The following PLEKHS1 variants were observed in gnomAD, a reference collection of about 807,000 sequenced individuals.
PLEKHS1 encodes pleckstrin homology domain containing S1, also known as pleckstrin homology domain-containing family S member 1.
PLEKHS1 carries 55 observed loss-of-function variants against 51.0 expected under a neutral mutation model. The observed-to-expected ratio is 1.08, with a 90% CI of 0.87 to 1.35. The LOEUF (loss-of-function observed/expected upper bound fraction) is 1.35, where lower values mean the gene tolerates loss of function less well. Ranked by LOEUF, PLEKHS1 falls within the 40% of genes most tolerant of loss-of-function variation. PLEKHS1 has a pLI of 0.00. For synonymous variants in PLEKHS1, 153 were observed against 144.8 expected (o/e 1.06, Z -0.41); for missense variants, 398 against 423.0 (o/e 0.94, Z 0.52).
chr10:113,775,963 T>A, intron 11 of PLEKHS1, 97 bp downstream of exon 11: 2 of 890,628 alleles, frequency 2.2e-6, no homozygotes, highest in Non-Finnish European at 3.4e-6. Context: ...CAACACTGAC[T>A]AGGTTTGGGG....
intron 2 of PLEKHS1, among the ~76,000 whole-genome samples, chr10:113,756,078 C>T (rs1441100619): frequency 6.6e-6 from 1 of 152,184 alleles, no homozygotes; most frequent in Admixed American, 6.5e-5. Context: ...AGGATGAAGT[C>T]ACTTAGAAGT....
intron 2 of PLEKHS1, among the ~76,000 whole-genome samples, chr10:113,756,315 A>C (rs1472492015): frequency 1.3e-5 from 2 of 152,012 alleles, no homozygotes; most frequent in Non-Finnish European, 1.5e-5. Flanking sequence ...AAAATACAAA[A>C]ATTTGCTGGG....
At position 113,755,525 on chromosome 10, in the gene PLEKHS1, C is replaced by T. The variant is rs1854070073; in HGVS notation, c.28+220C>T. ...GCTCAAGTGATCCTCTAACCTCAGC[C>T]TCCCGAGGAGCTGGCACTACAGGCA... On this transcript the variant is annotated intron_variant, in intron 2 of 11. Coordinates refer to ENST00000361048, the Ensembl canonical transcript of PLEKHS1. 1.0e-5 allele frequency: 9 copies of T among 860,314 alleles called. No homozygotes were observed. The South Asian group carries it at 2.7e-4, about 26-fold the overall frequency. 53.3% of individuals were successfully genotyped at this position (860,314 alleles called of 1,614,324 possible).
At chr10:113,768,624 A>C (rs1844263758) in intron 5 of PLEKHS1, among the ~76,000 whole-genome samples, 191 bp from the exon 6 acceptor site, 1 of 152,236 alleles carries the variant, frequency 6.6e-6, no homozygotes, top group African/African-American at 2.4e-5. Context: ...CTTTCCTTGC[A>C]GAGGTGGCTG....
intron 11 of PLEKHS1, among the ~76,000 whole-genome samples, chr10:113,778,378 C>A (rs925085747): frequency 2.6e-4 from 40 of 152,186 alleles, no homozygotes; most frequent in African/African-American, 7.0e-4. Context: ...AAAAACAGTT[C>A]TTTGGCTTCA....
exon 6 of PLEKHS1, chr10:113,768,842 C>G (rs1844274962): frequency 1.2e-6 from 2 of 1,613,750 alleles, no homozygotes; most frequent in South Asian, 2.2e-5. Flanking sequence ...GGGTCTCCTT[C>G]ATGTCATCAT....
chr10:113,761,517 T>A (rs1408399151), intron 2 of PLEKHS1, among the ~76,000 whole-genome samples: 2 of 145,818 alleles, frequency 1.4e-5, no homozygotes, highest in East Asian at 4.3e-4. Flanking sequence ...TAACCCTAGG[T>A]ACTTTTTTCT....
At chr10:113,767,420 T>C in exon 5 of PLEKHS1, 2 of 1,613,514 alleles carry the variant, frequency 1.2e-6, no homozygotes, top group South Asian at 1.1e-5. Flanking sequence ...AATGCCACCC[T>C]GATGAGGTCA....
Position 113,766,697 on chromosome 10 carries a change from G to A in PLEKHS1, c.203G>A (p.Arg68Gln), listed in dbSNP as rs187837701. 1.1e-5 allele frequency: 18 copies of A among 1,610,852 alleles called. No homozygotes were observed. In the South Asian group the frequency reaches 1.4e-4, roughly 13 times the overall value. ...TCCTATTATAAAGACCATCATCACC[G>A]AGGTTCCATTGAAATTGATCAGTGT... The change falls in exon 4 of 12, where the codon CGA becomes CAA. Residue 68 changes from arginine to glutamine, a missense_variant. Transcript: ENST00000361048.
intron 11 of PLEKHS1, chr10:113,778,103 T>C (rs1305596237): frequency 1.2e-5 from 2 of 164,446 alleles, no homozygotes; most frequent in Admixed American, 5.7e-5. Flanking sequence ...CATGTGTTAA[T>C]TCCTTCCCTG....
chr10:113,776,931 A>G (rs1320273920), intron 11 of PLEKHS1, among the ~76,000 whole-genome samples, 193 bp from the exon 12 acceptor site: 1 of 152,196 alleles, frequency 6.6e-6, no homozygotes, highest in Non-Finnish European at 1.5e-5. Context: ...TAAGGGTGGT[A>G]TAATTTGAGC....
exon 12 of PLEKHS1, chr10:113,781,693 A>T (rs1340104026): frequency 1.4e-5 from 1 of 69,650 alleles, no homozygotes; most frequent in Non-Finnish European, 2.9e-5. Flanking sequence ...CCTTCCCAAC[A>T]CCTCCTTCCC....
At position 113,755,391 on chromosome 10, in the gene PLEKHS1, C is replaced by T; in HGVS notation, c.28+86C>T. On this transcript the variant is annotated intron_variant, in intron 2 of 11. Transcript: ENST00000361048. ...CCTTCAAGCTAACCAGGATACAGAA[C>T]TTGGTGGTTTTTGTGTATGTTGTTT... The T allele has an allele frequency of 2.6e-6, 4 of 1,529,726 alleles. No individual in the cohort carries two copies. The South Asian group carries it at 3.9e-5, about 15-fold the overall frequency. The allele number at this position is 1,529,726 out of a possible 1,614,324, so 94.8% of individuals were successfully genotyped here.
chr10:113,755,964 T>G (rs1336433921), intron 2 of PLEKHS1, among the ~76,000 whole-genome samples: 2 of 152,232 alleles, frequency 1.3e-5, no homozygotes, highest in Non-Finnish European at 2.9e-5. Flanking sequence ...GTGCCTGCAT[T>G]GTCACCAGGG....
intron 1 of PLEKHS1, among the ~76,000 whole-genome samples, chr10:113,752,082 C>A (rs1274751933): frequency 3.9e-5 from 6 of 152,004 alleles, no homozygotes; most frequent in Non-Finnish European, 5.9e-5. Flanking sequence ...GGGGCAATGA[C>A]AAGAAAAACA....
chr10:113,761,767 T>G (rs1489908006), intron 2 of PLEKHS1, among the ~76,000 whole-genome samples: 2 of 152,102 alleles, frequency 1.3e-5, no homozygotes, highest in Non-Finnish European at 2.9e-5. Context: ...TTTACTTATT[T>G]TGGATGCATT....
intron 1 of PLEKHS1, among the ~76,000 whole-genome samples, chr10:113,752,654 G>C (rs1853901878): frequency 6.6e-6 from 1 of 152,116 alleles, no homozygotes; most frequent in Admixed American, 6.5e-5. Flanking sequence ...ATAATTCATG[G>C]AGATGAAATT....
Position 113,762,037 on chromosome 10 carries a change from C to T in PLEKHS1, c.29-4374C>T, listed in dbSNP as rs189192136. 5.5e-3 allele frequency among the ~76,000 whole-genome samples: 833 copies of T among 152,054 alleles called. 9 individuals carry two copies. Among genetic ancestry groups the T allele is most frequent in the Middle Eastern group, 0.01 (3 of 294 alleles). ...AGGTTATCTATTTCTTCTTCAGTGA[C>T]CTTTGTTGGTGTAGTTCAAGGAATT... On this transcript the variant is annotated intron_variant, in intron 2 of 11. Coordinates refer to ENST00000361048, the Ensembl canonical transcript of PLEKHS1.
chr10:113,776,894 T>C (rs1279661445), intron 11 of PLEKHS1, among the ~76,000 whole-genome samples: 1 of 152,144 alleles, frequency 6.6e-6, no homozygotes, highest in Non-Finnish European at 1.5e-5. Context: ...AGCAGAGGAA[T>C]GGGATGTAGG....
Sources: gnomAD v4.1 joint callset for allele counts (sites outside exome capture counted in the v4.1 genomes callset) on GRCh38, gnomAD v4.1.1 for gene constraint, MANE v1.5 for transcripts, NCBI Gene and HGNC (gene_info 2026-07-23, HGNC 2026-07-21) for gene names.